KCTD8: variants seen among roughly 807,000 people sequenced by gnomAD.
KCTD8 encodes the protein potassium channel tetramerization domain containing 8, also known as BTB/POZ domain-containing protein KCTD8.
KCTD8 carries 27 observed loss-of-function variants against 31.5 expected under a neutral mutation model. The observed-to-expected ratio is 0.86, with a 90% CI of 0.63 to 1.18. KCTD8 has a LOEUF of 1.18. Ranked by LOEUF, KCTD8 falls within the 50% of genes most tolerant of loss-of-function variation. The probability of loss-of-function intolerance (pLI) is 0.00; values close to 1 mark genes in which losing one functional copy is unlikely to be tolerated. For synonymous variants in KCTD8, 290 were observed against 280.0 expected (o/e 1.04, Z -0.36); for missense variants, 658 against 647.7 (o/e 1.02, Z -0.17).
intron 1 of KCTD8, among the ~76,000 whole-genome samples, chr4:44,338,128 T>C (rs1456412966): frequency 6.6e-6 from 1 of 152,096 alleles, no homozygotes; most frequent in African/African-American, 2.4e-5. Context: ...AGGTTGAAAA[T>C]ATACAGCAAA....
chr4:44,439,479 T>C (rs1721762522), intron 1 of KCTD8, among the ~76,000 whole-genome samples: 1 of 152,162 alleles, frequency 6.6e-6, no homozygotes, highest in Non-Finnish European at 1.5e-5. Flanking sequence ...AGTGTCCAGT[T>C]AGGAATCATG....
intron 1 of KCTD8, among the ~76,000 whole-genome samples, chr4:44,202,674 AT>A (rs1474552933): frequency 3.3e-5 from 5 of 152,264 alleles, no homozygotes; most frequent in African/African-American, 1.2e-4. Flanking sequence ...ACTATTGGGT[AT>A]TATGCTCACT....
intron 1 of KCTD8, among the ~76,000 whole-genome samples, chr4:44,212,180 C>T (rs142710469): frequency 3.2e-4 from 49 of 152,168 alleles, no homozygotes; most frequent in East Asian, 1.5e-3. Flanking sequence ...TCTACACATG[C>T]GATAAAATCA....
At chr4:44,426,474 GAGAA>G (rs1280011411) in intron 1 of KCTD8, among the ~76,000 whole-genome samples, 20 of 151,676 alleles carry the variant, frequency 1.3e-4, no homozygotes, top group Admixed American at 7.9e-4. Context: ...GAGAGAAAAA[GAGAA>G]AGAGAGAGAT....
intron 1 of KCTD8, among the ~76,000 whole-genome samples, chr4:44,437,058 G>GTTT (rs11392516): frequency 2.7e-5 from 4 of 146,600 alleles, no homozygotes; most frequent in Non-Finnish European, 1.5e-5. Flanking sequence ...GATTTTGAAA[G>GTTT]TTTTTTTTTT....
chr4:44,405,993 T>A (rs962720896), intron 1 of KCTD8, among the ~76,000 whole-genome samples: 8 of 152,240 alleles, frequency 5.3e-5, no homozygotes, highest in African/African-American at 1.7e-4. Flanking sequence ...TCCTTTGTGA[T>A]CAACACATTT....
intron 1 of KCTD8, among the ~76,000 whole-genome samples, chr4:44,358,509 C>T (rs1209815495): frequency 2.6e-5 from 4 of 152,040 alleles, no homozygotes; most frequent in South Asian, 2.1e-4. Context: ...ACACTCCCAC[C>T]AACAGTGTCC....
intron 1 of KCTD8, among the ~76,000 whole-genome samples, chr4:44,350,005 A>C (rs1719157201): frequency 6.6e-6 from 1 of 152,290 alleles, no homozygotes; most frequent in Admixed American, 6.5e-5. Context: ...CTGACTAGGT[A>C]TATAACTTCT....
In KCTD8 at chr4:44,174,658, T is replaced by C; in HGVS notation, c.*132A>G. ...ACAACTAAAACATAAAAGAAAATAC[T>C]GTCCCACATCCACTGTTCACAACAA... On this transcript the variant is annotated 3_prime_UTR_variant, in exon 2 of 2. Coordinates refer to ENST00000360029, the MANE Select transcript of KCTD8 (RefSeq NM_198353.3). 1.7e-6 allele frequency: 1 copy of C among 602,322 alleles called. No homozygotes were observed. Among genetic ancestry groups the C allele is most frequent in the Non-Finnish European group, 2.7e-6 (1 of 364,720 alleles). The allele number at this position is 602,322 out of a possible 1,614,324, so 37.3% of individuals were successfully genotyped here.
chr4:44,429,932 G>T (rs368773261), intron 1 of KCTD8, among the ~76,000 whole-genome samples: 1 of 151,582 alleles, frequency 6.6e-6, no homozygotes, highest in South Asian at 2.1e-4. Flanking sequence ...GGAGCAGGAA[G>T]ATTAATAAAT....
At chr4:44,298,392 C>A (rs1446419993) in intron 1 of KCTD8, among the ~76,000 whole-genome samples, 3 of 151,652 alleles carry the variant, frequency 2.0e-5, no homozygotes, top group Admixed American at 2.0e-4. Flanking sequence ...AAAACTCCTT[C>A]ACACTAATGA....
intron 1 of KCTD8, among the ~76,000 whole-genome samples, chr4:44,440,016 C>T (rs1443217272): frequency 1.3e-5 from 2 of 151,900 alleles, no homozygotes; most frequent in African/African-American, 2.4e-5. Context: ...ATTGCAACCT[C>T]TGCCTCCTGG....
Position 44,448,102 on chromosome 4 carries a change from T to A in KCTD8, c.422A>T (p.Asp141Val), listed in dbSNP as rs1032206755. ...LREAEYFQLT[D>V]LVKLLSPKVT... ...CTTGGGCGACAGCAGCTTGACCAAGTCGGTGAGCTGGAAATACTCGGCCTC... is the reference window on the plus strand; with the variant it reads ...CTTGGGCGACAGCAGCTTGACCAAGACGGTGAGCTGGAAATACTCGGCCTC... The change falls in exon 1 of 2, where the codon GAC becomes GTC. Residue 141 changes from aspartate (D) to valine (V), a missense_variant. By Grantham distance (152) the Asp-to-Val change is radical. Coordinates refer to ENST00000360029, the MANE Select transcript of KCTD8 (RefSeq NM_198353.3). This position sits in a 1 kb window ranked among gnomAD's most constrained non-coding sequence, Gnocchi z 4.1. 6.2e-7 allele frequency: 1 copy of A among 1,612,486 alleles called. No homozygotes were observed. Among genetic ancestry groups the A allele is most frequent in the Non-Finnish European group, 8.5e-7 (1 of 1,179,808 alleles).
intron 1 of KCTD8, among the ~76,000 whole-genome samples, chr4:44,345,001 G>A (rs959029998): frequency 6.6e-6 from 1 of 151,820 alleles, no homozygotes; most frequent in African/African-American, 2.4e-5. Context: ...CTTTCATCAA[G>A]TCCCAAGAGA....
chr4:44,328,112 C>T (rs527307312), intron 1 of KCTD8, among the ~76,000 whole-genome samples: 1 of 151,874 alleles, frequency 6.6e-6, no homozygotes, highest in South Asian at 2.1e-4. Flanking sequence ...CAAATAAAAA[C>T]ACATAATGAT....
chr4:44,342,188 G>A (rs544312482), intron 1 of KCTD8, among the ~76,000 whole-genome samples: 2 of 152,040 alleles, frequency 1.3e-5, no homozygotes, highest in Non-Finnish European at 2.9e-5. Context: ...TGGCTAACAC[G>A]GTGAAACCCC....
intron 1 of KCTD8, among the ~76,000 whole-genome samples, chr4:44,239,312 G>C (rs1244211852): frequency 6.6e-6 from 1 of 152,158 alleles, no homozygotes; most frequent in Non-Finnish European, 1.5e-5. Flanking sequence ...CACAGCCTCT[G>C]GAACCAGACT....
intron 1 of KCTD8, among the ~76,000 whole-genome samples, chr4:44,248,925 A>G (rs114953116): frequency 0.023 from 3,491 of 151,910 alleles, 146 homozygotes; most frequent in African/African-American, 0.08. Context: ...TTGTGCCGGA[A>G]CCATTGCATT....
chr4:44,238,580 CA>C (rs1289648269), intron 1 of KCTD8, among the ~76,000 whole-genome samples: 2 of 152,044 alleles, frequency 1.3e-5, no homozygotes, highest in African/African-American at 2.4e-5. Flanking sequence ...TATATCTATG[CA>C]AAAATACTGA....
Sources: allele counts gnomAD v4.1 joint callset (sites outside exome capture counted in the v4.1 genomes callset), GRCh38; gene constraint gnomAD v4.1.1; non-coding constraint Gnocchi (gnomAD v3.1); transcripts MANE v1.5; gene names NCBI Gene and HGNC (gene_info 2026-07-23, HGNC 2026-07-21).